EFCAB6: variants seen among roughly 807,000 people sequenced by gnomAD.
EFCAB6 encodes the protein EF-hand calcium binding domain 6, also known as EF-hand calcium-binding domain-containing protein 6.
In EFCAB6, 156 loss-of-function variants were observed where a neutral mutation model predicts 169.8. The ratio of observed to expected loss-of-function variants is 0.92; its 90% CI spans 0.81 to 1.05. EFCAB6 has a LOEUF of 1.05. Among genes scored for constraint, EFCAB6 ranks in the 50% least tolerant of loss-of-function variants. The pLI, the probability that EFCAB6 is intolerant of heterozygous loss-of-function variation, is 0.00. For missense variants in EFCAB6, 1,800 were observed against 1,829.1 expected, an observed-to-expected ratio of 0.98 and a Z score of 0.29; for synonymous variants, 698 against 676.4, an observed-to-expected ratio of 1.03 and a Z score of -0.50.
intron 20 of EFCAB6, among the ~76,000 whole-genome samples, chr22:43,616,204 G>A (rs1383979006): frequency 6.6e-6 from 1 of 152,186 alleles, no homozygotes; most frequent in African/African-American, 2.4e-5. Flanking sequence ...ATTCTCAGAA[G>A]GGGGAAAACA....
chr22:43,678,427 T>C (rs2057868835), intron 12 of EFCAB6, among the ~76,000 whole-genome samples: 1 of 151,714 alleles, frequency 6.6e-6, no homozygotes, highest in Non-Finnish European at 1.5e-5. Context: ...AGGACATGGC[T>C]TTGGGTGAGC....
At chr22:43,650,587 T>G (rs1416916694) in intron 17 of EFCAB6, among the ~76,000 whole-genome samples, 1 of 152,222 alleles carries the variant, frequency 6.6e-6, no homozygotes. Context: ...AAAAGATACC[T>G]GAAAATGTGG....
At chr22:43,631,416 G>A (rs76450532) in intron 19 of EFCAB6, among the ~76,000 whole-genome samples, 1 of 151,748 alleles carries the variant, frequency 6.6e-6, no homozygotes, top group African/African-American at 2.4e-5. Flanking sequence ...CCTCCACCAC[G>A]ACAAGCCACA....
At chr22:43,796,944 T>C (rs2062531313) in intron 2 of EFCAB6, among the ~76,000 whole-genome samples, 1 of 152,194 alleles carries the variant, frequency 6.6e-6, no homozygotes, top group Non-Finnish European at 1.5e-5. Context: ...TGCAGTTGTC[T>C]AGTATTTCCA....
intron 17 of EFCAB6, among the ~76,000 whole-genome samples, chr22:43,656,498 A>G (rs143749880): frequency 3.2e-4 from 49 of 152,364 alleles, no homozygotes; most frequent in African/African-American, 1.2e-3. Flanking sequence ...TATGGACCGC[A>G]TAATGGCATT....
intron 4 of EFCAB6, among the ~76,000 whole-genome samples, chr22:43,770,047 G>A (rs955516131): frequency 6.6e-6 from 1 of 151,988 alleles, no homozygotes; most frequent in Non-Finnish European, 1.5e-5. Context: ...AGTAGAGACG[G>A]GGTTTCTCCA....
chr22:43,787,917 G>T (rs2062140383), intron 2 of EFCAB6, among the ~76,000 whole-genome samples: 1 of 152,164 alleles, frequency 6.6e-6, no homozygotes, highest in Non-Finnish European at 1.5e-5. Context: ...ATAGATCAAT[G>T]GAATAGAATT....
At chr22:43,785,102 A>G (rs1201785807) in intron 2 of EFCAB6, among the ~76,000 whole-genome samples, 1 of 152,176 alleles carries the variant, frequency 6.6e-6, no homozygotes, top group African/African-American at 2.4e-5. Flanking sequence ...CAATATCCAC[A>G]TTTAATAATG....
At chr22:43,576,797 C>T (rs190876124) in intron 25 of EFCAB6, among the ~76,000 whole-genome samples, 7 of 152,288 alleles carry the variant, frequency 4.6e-5, no homozygotes, top group African/African-American at 1.7e-4. Flanking sequence ...ATGGAAGCCT[C>T]GCCCCTGCTC....
At chr22:43,730,690 G>A (rs2059916085) in intron 8 of EFCAB6, among the ~76,000 whole-genome samples, 1 of 152,180 alleles carries the variant, frequency 6.6e-6, no homozygotes, top group African/African-American at 2.4e-5. Context: ...TAGTGGGCTT[G>A]GTTCGATTGT....
At chr22:43,550,059 A>C (rs1395870962) in intron 27 of EFCAB6, among the ~76,000 whole-genome samples, 1 of 152,196 alleles carries the variant, frequency 6.6e-6, no homozygotes, top group Non-Finnish European at 1.5e-5. Context: ...TTTGCTCTGC[A>C]TGGAGTCAGG....
chr22:43,588,883 G>T (rs2147383309), intron 24 of EFCAB6, among the ~76,000 whole-genome samples: 1 of 152,290 alleles, frequency 6.6e-6, no homozygotes, highest in Non-Finnish European at 1.5e-5. Context: ...GCTAGTCACA[G>T]CAAATGTAGA....
rs966542407 is a variant in EFCAB6, at chr22:43,628,819, C to A, written c.2233-2140G>T. ...TACTTTTCTCTTTGGCACATGTCAC[C>A]ACCTGATCTAGTAGAGGTTTCTGTG... is the stretch of plus-strand genomic sequence containing the variant. On this transcript the variant is annotated intron_variant, in intron 19 of 31. Coordinates refer to ENST00000262726, the MANE Select transcript of EFCAB6 (RefSeq NM_022785.4). This position sits in a 1 kb window ranked among gnomAD's most constrained non-coding sequence, Gnocchi z 4.8. Among the ~76,000 whole-genome samples the A allele has an allele frequency of 6.6e-6, 1 of 152,140 alleles. No homozygotes were observed. Among genetic ancestry groups the A allele is most frequent in the Non-Finnish European group, 1.5e-5 (1 of 68,022 alleles).
At chr22:43,709,734 A>G (rs560491832) in intron 10 of EFCAB6, among the ~76,000 whole-genome samples, 2 of 151,984 alleles carry the variant, frequency 1.3e-5, no homozygotes, top group South Asian at 4.1e-4. Context: ...AAATGAGATA[A>G]GAAGAAATGG....
At chr22:43,778,540 G>C (rs1228157856) in intron 3 of EFCAB6, among the ~76,000 whole-genome samples, 1 of 152,164 alleles carries the variant, frequency 6.6e-6, no homozygotes, top group Admixed American at 6.5e-5. Flanking sequence ...CCACAGCAGA[G>C]CTGGACAACA....
intron 2 of EFCAB6, among the ~76,000 whole-genome samples, chr22:43,803,069 G>A (rs2062787268): frequency 6.6e-6 from 1 of 152,128 alleles, no homozygotes; most frequent in Admixed American, 6.5e-5. Context: ...CTTAAGGAGG[G>A]GAAAACAAAT....
intron 26 of EFCAB6, among the ~76,000 whole-genome samples, chr22:43,556,289 C>A (rs2048702064): frequency 6.6e-6 from 1 of 152,152 alleles, no homozygotes; most frequent in South Asian, 2.1e-4. Flanking sequence ...CAGAGGAAGG[C>A]TCCCAAAGCC....
intron 28 of EFCAB6, among the ~76,000 whole-genome samples, chr22:43,539,888 G>A (rs895402199): frequency 3.3e-5 from 5 of 152,172 alleles, no homozygotes; most frequent in South Asian, 2.1e-4. Flanking sequence ...CCTTGCACCC[G>A]CTCTTGCCTC....
intron 2 of EFCAB6, among the ~76,000 whole-genome samples, chr22:43,789,395 C>T (rs1027347542): frequency 1.3e-5 from 2 of 152,116 alleles, no homozygotes; most frequent in Non-Finnish European, 2.9e-5. Context: ...CCGTGGGCAC[C>T]TTTGGCAAAG....
Sources: gnomAD v4.1 joint callset for allele counts (sites outside exome capture counted in the v4.1 genomes callset) on GRCh38, gnomAD v4.1.1 for gene constraint, Gnocchi (gnomAD v3.1) non-coding constraint, MANE v1.5 for transcripts, NCBI Gene and HGNC (gene_info 2026-07-23, HGNC 2026-07-21) for gene names.